The following CLIC4 variants were observed in gnomAD, a reference collection of about 807,000 sequenced individuals.
The protein encoded by CLIC4 is CLIC family member 4.
Under a neutral mutation model 24.6 loss-of-function variants are expected in CLIC4, and 13 were observed. The observed-to-expected ratio is 0.53, with a 90% CI of 0.34 to 0.84. The LOEUF is 0.84. CLIC4 is among the 40% of genes least tolerant of loss of function. The pLI, the probability that CLIC4 is intolerant of heterozygous loss-of-function variation, is 0.01. For missense variants in CLIC4, 227 were observed against 301.7 expected (o/e 0.75, Z 1.83); for synonymous variants, 104 against 111.3 (o/e 0.93, Z 0.41).
At chr1:24,751,736 C>T (rs546093452) in intron 1 of CLIC4, among the ~76,000 whole-genome samples, 200 of 152,264 alleles carry the variant, frequency 1.3e-3, no homozygotes, top group Admixed American at 2.2e-3. Flanking sequence ...TGGTGGCGGG[C>T]GCCTGTAATC....
chr1:24,758,732 T>C (rs1234498967), intron 1 of CLIC4, among the ~76,000 whole-genome samples: 1 of 152,184 alleles, frequency 6.6e-6, no homozygotes, highest in East Asian at 1.9e-4. Context: ...GTTCTGGGAT[T>C]ACAGGCATGA....
intron 1 of CLIC4, among the ~76,000 whole-genome samples, chr1:24,751,770 A>T (rs1455020118): frequency 6.6e-6 from 1 of 152,232 alleles, no homozygotes; most frequent in African/African-American, 2.4e-5. Flanking sequence ...AGTCTGAGGC[A>T]GGAGAATCAC....
chr1:24,773,748 T>C (rs1490000785), intron 1 of CLIC4, among the ~76,000 whole-genome samples: 1 of 151,776 alleles, frequency 6.6e-6, no homozygotes, highest in East Asian at 1.9e-4. Flanking sequence ...AGGTGTGTAC[T>C]ACCATATCTG....
chr1:24,798,818 A>T (rs1003907800), intron 2 of CLIC4, among the ~76,000 whole-genome samples: 2 of 151,988 alleles, frequency 1.3e-5, no homozygotes, highest in African/African-American at 4.8e-5. Flanking sequence ...GCCACGCCTG[A>T]CTGGTTTTGG....
intron 1 of CLIC4, among the ~76,000 whole-genome samples, chr1:24,792,688 T>C (rs889571143): frequency 6.6e-6 from 1 of 152,172 alleles, no homozygotes; most frequent in Non-Finnish European, 1.5e-5. Context: ...CATCCTTTTA[T>C]TTATGTGTGC....
intron 2 of CLIC4, among the ~76,000 whole-genome samples, chr1:24,801,226 C>T (rs1229969836): frequency 1.3e-5 from 2 of 152,138 alleles, no homozygotes; most frequent in Non-Finnish European, 2.9e-5. Context: ...CTACCTGAGA[C>T]TGGGTAATTC....
chr1:24,747,770 G>A (rs1011640895), intron 1 of CLIC4, among the ~76,000 whole-genome samples: 10 of 151,978 alleles, frequency 6.6e-5, no homozygotes, highest in Non-Finnish European at 1.3e-4. Context: ...GCCGGGTGAG[G>A]TGACTCACAC....
In CLIC4 at chr1:24,805,104, AAC is replaced by A. The variant is rs1326876103; in HGVS notation, c.182+7257_182+7258del. On this transcript the variant is annotated intron_variant, in intron 2 of 5. Transcript: ENST00000374379. ...TCCATGTCAAAAAAAAAAAAAAAAAAACACAAAAACAAAGACAAACGAATTAT... is the reference window on the plus strand; with the variant it reads ...TCCATGTCAAAAAAAAAAAAAAAAAAACAAAAACAAAGACAAACGAATTAT... Among the ~76,000 whole-genome samples the A allele has an allele frequency of 4.5e-3, 572 of 127,448 alleles. 29 individuals carry two copies. Among genetic ancestry groups the A allele is most frequent in the African/African-American group, 6.3e-3 (230 of 36,548 alleles). 83.6% of individuals were successfully genotyped at this position (127,448 alleles called of 152,430 possible). A position where few individuals can be genotyped will look rare whatever the true frequency, so the allele number is the denominator to read the frequency against.
chr1:24,817,579 G>T lies in CLIC4; in HGVS notation c.308+3360G>T, dbSNP rs530652507. On this transcript the variant is annotated intron_variant, in intron 3 of 5. Transcript: ENST00000374379. ...GACCACTCAAACTTTCTCCCTATTG[G>T]CAATAAAGCTGTTTTTCTCTATCAT... 2.6e-5 allele frequency among the ~76,000 whole-genome samples: 4 copies of T among 152,266 alleles called. No homozygotes were observed. The East Asian group carries it at 7.7e-4, about 29-fold the overall frequency.
intron 2 of CLIC4, among the ~76,000 whole-genome samples, chr1:24,813,097 G>A (rs1271247145): frequency 6.8e-6 from 1 of 147,412 alleles, no homozygotes; most frequent in East Asian, 2.0e-4. Context: ...AGGCTGGAGT[G>A]CTGTGGTGAG....
chr1:24,827,854 C>T (rs1176099090), intron 4 of CLIC4, among the ~76,000 whole-genome samples: 1 of 151,730 alleles, frequency 6.6e-6, no homozygotes. Flanking sequence ...GTCTTAACTA[C>T]AGCATTTAGT....
Position 24,814,999 on chromosome 1 carries a change from A to G in CLIC4, c.308+780A>G, listed in dbSNP as rs146944352. Reference sequence around the variant, plus strand: ...AGGGTTCTAAAATAATTATAGGCATACCCTGAAGGGTATGGTTCCAGACCA... The same window carrying G: ...AGGGTTCTAAAATAATTATAGGCATGCCCTGAAGGGTATGGTTCCAGACCA... On this transcript the variant is annotated intron_variant, in intron 3 of 5. Coordinates refer to ENST00000374379, the MANE Select transcript of CLIC4 (RefSeq NM_013943.3). Among the ~76,000 whole-genome samples, 12 of 152,304 alleles carry G rather than the reference A, an allele frequency of 7.9e-5. No individual in the cohort carries two copies. The East Asian group carries it at 2.3e-3, about 29-fold the overall frequency.
chr1:24,747,095 A>ATTT (rs749648001), intron 1 of CLIC4, among the ~76,000 whole-genome samples: 9 of 120,268 alleles, frequency 7.5e-5, no homozygotes, highest in African/African-American at 9.2e-5. Flanking sequence ...TCAATTTTCG[A>ATTT]TTTTTTTTTT....
chr1:24,802,230 C>A (rs1243544299), intron 2 of CLIC4, among the ~76,000 whole-genome samples: 3 of 151,984 alleles, frequency 2.0e-5, no homozygotes, highest in African/African-American at 4.8e-5. Context: ...GGAAGTAAAC[C>A]CATTATAGCT....
At chr1:24,825,000 A>T (rs1188017085) in intron 3 of CLIC4, among the ~76,000 whole-genome samples, 1,934 of 81,748 alleles carry the variant, frequency 0.024, 49 homozygotes, top group African/African-American at 0.1. Flanking sequence ...ACCCTGTCAC[A>T]CACACACACA....
rs1270204416 is a variant in CLIC4, at chr1:24,801,076, A to T, written c.182+3225A>T. Among the ~76,000 whole-genome samples, 109 of 60,666 alleles carry T rather than the reference A, an allele frequency of 1.8e-3. 1 individual carries two copies. The East Asian group carries it at 0.057, about 32-fold the overall frequency. The allele number at this position is 60,666 out of a possible 152,430, so 39.8% of individuals were successfully genotyped here. On this transcript the variant is annotated intron_variant, in intron 2 of 5. Coordinates refer to ENST00000374379, the MANE Select transcript of CLIC4 (RefSeq NM_013943.3). ...AATTATCAATAAAAAAATAAATTAA[A>T]AAAAAAAAAAAGAATAGTTGTATTA...
chr1:24,800,742 G>A (rs948103890), intron 2 of CLIC4, among the ~76,000 whole-genome samples: 1 of 152,202 alleles, frequency 6.6e-6, no homozygotes, highest in Non-Finnish European at 1.5e-5. Context: ...TCTGCCTTGG[G>A]ATCTTGTTGG....
chr1:24,830,128 C>A (rs1046799778), intron 4 of CLIC4, among the ~76,000 whole-genome samples: 3 of 152,092 alleles, frequency 2.0e-5, no homozygotes, highest in African/African-American at 7.2e-5. Context: ...TCATTCAAAT[C>A]ATACAAATAA....
intron 1 of CLIC4, chr1:24,771,878 T>C: frequency 1.9e-6 from 1 of 514,316 alleles, no homozygotes; most frequent in South Asian, 1.4e-5. Context: ...ATCTGCTACC[T>C]CATCTGTCAA....
Sources: gnomAD v4.1 joint callset for allele counts (sites outside exome capture counted in the v4.1 genomes callset) on GRCh38, gnomAD v4.1.1 for gene constraint, MANE v1.5 for transcripts, NCBI Gene and HGNC (gene_info 2026-07-23, HGNC 2026-07-21) for gene names.